Variants in DIAPH2 observed in about 807,000 individuals in gnomAD.
DIAPH2 encodes diaphanous related formin 2.
Under a neutral mutation model 92.7 loss-of-function variants are expected in DIAPH2, and 35 were observed. The ratio of observed to expected loss-of-function variants is 0.38; its 90% confidence interval spans 0.29 to 0.50. The LOEUF (loss-of-function observed/expected upper bound fraction) is 0.50. DIAPH2 is among the 20% of genes least tolerant of loss of function. The pLI is 0.94. For missense variants in DIAPH2, 701 were observed against 819.5 expected, an observed-to-expected ratio of 0.86 and a Z score of 1.77; for synonymous variants, 301 against 280.4, an observed-to-expected ratio of 1.07 and a Z score of -0.73.
chrX:96,896,196 G>A (rs750466921), intron 5 of DIAPH2, among the ~76,000 whole-genome samples: 1 of 111,210 alleles, frequency 9.0e-6, no homozygotes, highest in East Asian at 2.8e-4. Context: ...CCTTGATGAT[G>A]CAACCCAAAA....
chrX:97,525,543 G>T (rs2071019087), intron 26 of DIAPH2, among the ~76,000 whole-genome samples: 1 of 112,282 alleles, frequency 8.9e-6, no homozygotes, highest in Non-Finnish European at 1.9e-5. Context: ...CTCATTGGGA[G>T]CATGTCTTAT....
intron 26 of DIAPH2, among the ~76,000 whole-genome samples, chrX:97,462,447 C>A (rs1363180714): frequency 8.9e-6 from 1 of 112,013 alleles, no homozygotes; most frequent in African/African-American, 3.2e-5. Flanking sequence ...ATTAAGGAAG[C>A]TTTGTCGAAT....
At chrX:97,510,336 G>A (rs1486479540) in intron 26 of DIAPH2, among the ~76,000 whole-genome samples, 1 of 111,490 alleles carries the variant, frequency 9.0e-6, no homozygotes, top group Non-Finnish European at 1.9e-5. Context: ...CATATCCTTT[G>A]CCCACTTTTT....
At chrX:96,784,652 A>G (rs1301769660) in intron 4 of DIAPH2, among the ~76,000 whole-genome samples, 1 of 112,353 alleles carries the variant, frequency 8.9e-6, no homozygotes, top group Non-Finnish European at 1.9e-5. Flanking sequence ...CTATCCCTGC[A>G]CTATGTATAG....
At chrX:97,544,007 A>G (rs920363834) in intron 26 of DIAPH2, among the ~76,000 whole-genome samples, 2 of 112,326 alleles carry the variant, frequency 1.8e-5, no homozygotes, top group African/African-American at 3.2e-5. Flanking sequence ...AAATGTAAAT[A>G]GATCGTTTGA....
rs1569426274 is a variant in DIAPH2, at chrX:97,570,129, G to A, written c.3242-29124G>A. Among the ~76,000 whole-genome samples, 120 of 37,415 alleles carry A rather than the reference G, an allele frequency of 3.2e-3. 2 individuals are homozygous for A. The highest frequency in any genetic ancestry group is 4.7e-3 in the Non-Finnish European group (95 of 20,039). The allele number at this position is 37,415 out of a possible 115,157, so 32.5% of individuals were successfully genotyped here. ...ATATATATATATATATATATTAGAA[G>A]ATAGATAGATAGATAGATAGATAGA... On this transcript the variant is annotated intron_variant, in intron 26 of 26. Transcript: ENST00000324765.
At chrX:96,734,236 G>A (rs1389535932) in intron 1 of DIAPH2, among the ~76,000 whole-genome samples, 1 of 112,230 alleles carries the variant, frequency 8.9e-6, no homozygotes, top group African/African-American at 3.2e-5. Context: ...TTGCTTTGGA[G>A]ATATAGATGG....
At chrX:97,108,136 G>A (rs1293026759) in intron 20 of DIAPH2, among the ~76,000 whole-genome samples, 1 of 110,812 alleles carries the variant, frequency 9.0e-6, no homozygotes, top group Admixed American at 9.6e-5. Flanking sequence ...TAACCCACTT[G>A]TAGTTGCTCT....
At chrX:97,427,734 GCAGTGGTA>G (rs2070084907) in intron 25 of DIAPH2, among the ~76,000 whole-genome samples, 1 of 110,583 alleles carries the variant, frequency 9.0e-6, no homozygotes, top group South Asian at 3.9e-4. Flanking sequence ...GGGCTGGAGT[GCAGTGGTA>G]CAATCTCAGC....
In DIAPH2 at chrX:96,815,539, G is replaced by A. The variant is rs751293903; in HGVS notation, c.447+57281G>A. Among the ~76,000 whole-genome samples the A allele has an allele frequency of 9.8e-5, 11 of 112,454 alleles. No individual in the cohort carries two copies. The Admixed American group carries it at 1.0e-3, about 11-fold the overall frequency. On this transcript the variant is annotated intron_variant, in intron 4 of 26. Transcript: ENST00000324765. ...TCGCCCTCCGTGGGCTGCACCCACT[G>A]CCCAAGCAGTCCCAATGAGATGAAC...
chrX:97,514,049 G>A (rs1369766142), intron 26 of DIAPH2, among the ~76,000 whole-genome samples: 6 of 105,856 alleles, frequency 5.7e-5, no homozygotes, highest in East Asian at 2.9e-4. Flanking sequence ...GAATCTGAAC[G>A]TTGGCCTGCC....
intron 22 of DIAPH2, among the ~76,000 whole-genome samples, chrX:97,222,392 C>A (rs368424905): frequency 9.0e-6 from 1 of 111,653 alleles, no homozygotes. Flanking sequence ...TTAGTAGAGA[C>A]GGGGTTTCAC....
chrX:97,245,639 C>T (rs1174984331), intron 22 of DIAPH2, among the ~76,000 whole-genome samples: 1 of 109,938 alleles, frequency 9.1e-6, no homozygotes, highest in African/African-American at 3.3e-5. Context: ...CCTTGAGCTC[C>T]TGAGTCCAAG....
chrX:97,137,997 T>G (rs1361975484), intron 21 of DIAPH2, among the ~76,000 whole-genome samples: 2 of 112,118 alleles, frequency 1.8e-5, no homozygotes, highest in African/African-American at 3.2e-5. Flanking sequence ...ACGTACAGCA[T>G]AGTGACCAGT....
intron 23 of DIAPH2, 51 bp downstream of exon 23, chrX:97,247,890 G>A (rs955653382): frequency 9.0e-7 from 1 of 1,106,691 alleles, no homozygotes. Flanking sequence ...CTCTATGTCT[G>A]TCTGTTTACT....
intron 21 of DIAPH2, among the ~76,000 whole-genome samples, chrX:97,124,353 T>C (rs1277650485): frequency 8.9e-6 from 1 of 112,418 alleles, no homozygotes; most frequent in Non-Finnish European, 1.9e-5. Context: ...TTTAAAGATC[T>C]TTTTCTCTAA....
intron 23 of DIAPH2, among the ~76,000 whole-genome samples, chrX:97,306,458 A>G (rs1602495106): frequency 9.0e-6 from 1 of 111,407 alleles, no homozygotes; most frequent in African/African-American, 3.3e-5. Context: ...TTTTTCATAC[A>G]GACCTATCAT....
chrX:96,757,570 T>C (rs1405721394), intron 3 of DIAPH2, among the ~76,000 whole-genome samples: 1 of 112,680 alleles, frequency 8.9e-6, no homozygotes. Flanking sequence ...TAAAGTTTAT[T>C]GAACCTCAAA....
chrX:97,350,800 C>A (rs1289721752), intron 24 of DIAPH2, among the ~76,000 whole-genome samples: 1 of 112,180 alleles, frequency 8.9e-6, no homozygotes, highest in Non-Finnish European at 1.9e-5. Flanking sequence ...ATATTACATA[C>A]ATATGTAGGA....
Sources: gnomAD v4.1 joint callset for allele counts (sites outside exome capture counted in the v4.1 genomes callset) on GRCh38, gnomAD v4.1.1 for gene constraint, MANE v1.5 for transcripts, NCBI Gene and HGNC (gene_info 2026-07-23, HGNC 2026-07-21) for gene names.